LARP1: variants seen among roughly 807,000 people sequenced by gnomAD.
LARP1 encodes La ribonucleoprotein 1, translational regulator.
A neutral mutation model predicts 122.7 loss-of-function variants in LARP1; 36 were observed. The observed-to-expected ratio is 0.29, with a 90% CI of 0.22 to 0.39. LARP1 has a LOEUF of 0.39. Ranked by LOEUF, LARP1 falls within the 10% of genes least tolerant of loss-of-function variation. LARP1 has a pLI of 1.00. For synonymous variants in LARP1, 539 were observed against 528.7 expected, an observed-to-expected ratio of 1.02 and a Z score of -0.27; for missense variants, 1,040 against 1,403.6, an observed-to-expected ratio of 0.74 and a Z score of 4.14.
chr5:154,765,247 C>T (rs138314353), intron 1 of LARP1, among the ~76,000 whole-genome samples: 1 of 152,160 alleles, frequency 6.6e-6, no homozygotes, highest in Non-Finnish European at 1.5e-5. Flanking sequence ...TGCTTTGGGT[C>T]TTATGTTCTG....
At chr5:154,789,702 T>C (rs1005919389) in intron 1 of LARP1, among the ~76,000 whole-genome samples, 9 of 152,238 alleles carry the variant, frequency 5.9e-5, no homozygotes, top group African/African-American at 2.2e-4. Flanking sequence ...TACATAACTC[T>C]TGTCTAATTT....
At chr5:154,762,029 C>T (rs1754494059) in intron 1 of LARP1, among the ~76,000 whole-genome samples, 1 of 152,106 alleles carries the variant, frequency 6.6e-6, no homozygotes, top group South Asian at 2.1e-4. Flanking sequence ...ATCATGAGGT[C>T]AGGAGTTTTA....
At position 154,756,113 on chromosome 5, in the gene LARP1, C is replaced by A; in HGVS notation, c.356C>A (p.Ala119Asp). ...GCGGGGCGCCGGGACTTCGTGGAAG[C>A]CCCCCCGCCCAAGGTGAACCCGTGG... ...AGAGRRDFVE[A>D]PPPKVNPWTK... The change falls in exon 1 of 19, where the codon GCC (alanine) becomes GAC (aspartate). Residue 119 changes from alanine to aspartate, a missense_variant. Around this residue, in one of 8 missense-constraint regions of LARP1, gnomAD observed 257 missense variants for 273.3 expected, o/e 0.94. Transcript: ENST00000518297. 2.5e-6 allele frequency: 3 copies of A among 1,221,546 alleles called. No individual in the cohort carries two copies. The highest frequency in any genetic ancestry group is 3.2e-5 in the Admixed American group (1 of 31,666). 75.7% of individuals were successfully genotyped at this position (1,221,546 alleles called of 1,614,324 possible). A position where few individuals can be genotyped will look rare whatever the true frequency, so the allele number is the denominator to read the frequency against.
rs1757244005 is a variant in LARP1 at position 154,790,343 on chromosome 5, A to G, written c.455A>G (p.Lys152Arg). 1 of 1,613,690 alleles carries G rather than the reference A, an allele frequency of 6.2e-7. No homozygotes were observed. Among genetic ancestry groups the G allele is most frequent in the East Asian group, 2.2e-5 (1 of 44,874 alleles). The change falls in exon 2 of 19, where the codon AAG becomes AGG. Residue 152 changes from lysine to arginine, a missense_variant. Around this residue, in one of 8 missense-constraint regions of LARP1, gnomAD observed 257 missense variants for 273.3 expected, o/e 0.94. Transcript: ENST00000518297. Reference protein sequence around the residue: ...QSPPEHSAPAKVVRAAVPKQR... With the variant: ...QSPPEHSAPARVVRAAVPKQR... ...CCCACAGAACACTCTGCTCCAGCCA[A>G]GGTGGTGAGGGCAGCTGTTCCTAAA...
At position 154,802,264 on chromosome 5, in the gene LARP1, G is replaced by A. The variant is rs141357520; in HGVS notation, c.1974G>A (p.Gly658=). The change falls in exon 11 of 19, where the codon GGG becomes GGA. Residue 658 remains glycine (G), a synonymous_variant. Transcript: ENST00000518297. This position sits in a 1 kb window ranked among gnomAD's most constrained non-coding sequence, Gnocchi z 5.1. ...CACATTACATGCGCCGGCACCCAGG[G>A]GGGGACCGCACAGGCAACCACACCT... ...QTPHYMRRHP[G]GDRTGNHTSR... 4 of 1,614,196 alleles carry A rather than the reference G, an allele frequency of 2.5e-6. No individual in the cohort carries two copies. The highest frequency in any genetic ancestry group is 2.2e-5 in the East Asian group (1 of 44,890).
chr5:154,709,438 C>T (rs1488471380), upstream of LARP1, among the ~76,000 whole-genome samples: 2 of 152,130 alleles, frequency 1.3e-5, no homozygotes, highest in African/African-American at 2.4e-5. Context: ...TTATACAAAG[C>T]AGGCTTGGAG....
Position 154,799,951 on chromosome 5 carries a change from C to A in LARP1, c.1625C>A (p.Pro542His). 6.2e-7 allele frequency: 1 copy of A among 1,614,198 alleles called. No homozygotes were observed. The highest frequency in any genetic ancestry group is 8.5e-7 in the Non-Finnish European group (1 of 1,180,036). Residue 542 changes from proline (P) to histidine (H), a missense_variant, in exon 10 of 19, where the codon CCC becomes CAC. Transcript: ENST00000518297. Reference sequence around the variant, plus strand: ...GAGGTCAGCAACCTAAAGACACTACCCAAGGGCCTGTCTGCCAGCCTGCCT... The same window carrying A: ...GAGGTCAGCAACCTAAAGACACTACACAAGGGCCTGTCTGCCAGCCTGCCT... ...TEEVSNLKTLPKGLSASLPDL... is the reference protein window; with the variant it reads ...TEEVSNLKTLHKGLSASLPDL...
chr5:154,685,634 A>T (rs1320441540), intron 1 of LARP1: 1 of 321,200 alleles, frequency 3.1e-6, no homozygotes, highest in Non-Finnish European at 6.0e-6. Flanking sequence ...GATAGGGGTG[A>T]ACTAAACGCT....
intron 1 of LARP1, among the ~76,000 whole-genome samples, chr5:154,745,600 G>A (rs1753147069): frequency 6.6e-6 from 1 of 152,198 alleles, no homozygotes; most frequent in Non-Finnish European, 1.5e-5. Context: ...AGAGCTGGTA[G>A]GTGGCAGAGC....
intron 1 of LARP1, among the ~76,000 whole-genome samples, chr5:154,747,411 T>C (rs1185427396): frequency 6.6e-6 from 1 of 151,502 alleles, no homozygotes; most frequent in Non-Finnish European, 1.5e-5. Context: ...CTACTAAAAA[T>C]ACAAAAATTA....
chr5:154,808,367 AAGGACCAAG>A, intron 15 of LARP1, 83 bp from the exon 16 acceptor site: 1 of 1,483,612 alleles, frequency 6.7e-7, no homozygotes, highest in South Asian at 1.3e-5. Context: ...GTACATGAGA[AAGGACCAAG>A]TCTTAAGTTC....
At chr5:154,745,419 A>G (rs1286260211) in intron 1 of LARP1, among the ~76,000 whole-genome samples, 1 of 152,180 alleles carries the variant, frequency 6.6e-6, no homozygotes, top group African/African-American at 2.4e-5. Flanking sequence ...CCTTTATGAT[A>G]ATAGCAAACA....
intron 1 of LARP1, among the ~76,000 whole-genome samples, chr5:154,757,882 C>T (rs1754121526): frequency 1.0e-5 from 1 of 97,308 alleles, no homozygotes; most frequent in Non-Finnish European, 2.1e-5. Flanking sequence ...CCTCCCCTTC[C>T]CCCTTCCTCC....
Position 154,755,894 on chromosome 5 carries a change from G to A in LARP1, c.137G>A (p.Gly46Glu), listed in dbSNP as rs768189657. Reference sequence around the variant, plus strand: ...GAGCCCGGGCCAAACGACGTCCGCGGGGGGGAGCCGGACGGCAGCGCTCGG... The same window carrying A: ...GAGCCCGGGCCAAACGACGTCCGCGAGGGGGAGCCGGACGGCAGCGCTCGG... ...KGEPGPNDVR[G>E]GEPDGSARRP... Residue 46 changes from glycine to glutamate, a missense_variant, in exon 1 of 19, where the codon GGG becomes GAG. Physicochemically the swap from Gly to Glu is moderately conservative, Grantham distance 98 (BLOSUM62 -2). Coordinates refer to ENST00000518297, the MANE Select transcript of LARP1 (RefSeq NM_033551.3). The A allele has an allele frequency of 1.4e-4, 143 of 1,011,298 alleles. No individual in the cohort carries two copies. The highest frequency in any genetic ancestry group is 4.1e-5 in the Non-Finnish European group (35 of 845,260). The allele number at this position is 1,011,298 out of a possible 1,614,324, so 62.6% of individuals were successfully genotyped here.
chr5:154,783,793 G>T (rs1756653575), intron 1 of LARP1, among the ~76,000 whole-genome samples: 3 of 152,178 alleles, frequency 2.0e-5, no homozygotes, highest in Admixed American at 2.0e-4. Flanking sequence ...TGTAATTCGT[G>T]CATCTGCGAT....
At chr5:154,757,090 C>T (rs1420448747) in intron 1 of LARP1, 1 of 148,962 alleles carries the variant, frequency 6.7e-6, no homozygotes, top group East Asian at 2.0e-4. Flanking sequence ...AGGGTGCGGG[C>T]CCGCGGCGCG....
intron 1 of LARP1, among the ~76,000 whole-genome samples, chr5:154,741,044 G>T (rs1482815175): frequency 6.6e-6 from 1 of 152,140 alleles, no homozygotes; most frequent in Non-Finnish European, 1.5e-5. Flanking sequence ...GGATCATCCT[G>T]GAAATCTGAC....
chr5:154,780,308 GC>G (rs1369842154), intron 1 of LARP1, among the ~76,000 whole-genome samples: 1 of 152,196 alleles, frequency 6.6e-6, no homozygotes, highest in Non-Finnish European at 1.5e-5. Context: ...TGGAAATGGG[GC>G]CCCTCTCAGA....
chr5:154,808,243 C>T (rs1158288233), intron 15 of LARP1, among the ~76,000 whole-genome samples: 2 of 152,170 alleles, frequency 1.3e-5, no homozygotes, highest in African/African-American at 4.8e-5. Context: ...GCCACCTGCT[C>T]CTGGAAAAGT....
Sources: gnomAD v4.1 joint callset for allele counts (sites outside exome capture counted in the v4.1 genomes callset) on GRCh38, gnomAD v4.1.1 for gene constraint, gnomAD v4.1.1 regional missense constraint, Gnocchi (gnomAD v3.1) non-coding constraint, MANE v1.5 for transcripts, NCBI Gene and HGNC (gene_info 2026-07-23, HGNC 2026-07-21) for gene names.